Variants in ATP2B3 observed in about 807,000 individuals in gnomAD.
ATP2B3 encodes the protein plasma membrane calcium-transporting ATPase 3.
Under a neutral mutation model 70.8 loss-of-function variants are expected in ATP2B3, and 12 were observed. The ratio of observed to expected loss-of-function variants is 0.17; its 90% confidence interval spans 0.11 to 0.27. The LOEUF (loss-of-function observed/expected upper bound fraction) is 0.27, where lower values mean the gene tolerates loss of function less well. ATP2B3 is among the 10% of genes least tolerant of loss of function. The pLI is 1.00. For missense variants in ATP2B3, 858 were observed against 1,118.5 expected (o/e 0.77, Z 3.32); for synonymous variants, 460 against 497.8 (o/e 0.92, Z 1.01).
At chrX:153,521,304 C>T (rs2089955742) in intron 2 of ATP2B3, among the ~76,000 whole-genome samples, 1 of 113,013 alleles carries the variant, frequency 8.8e-6, no homozygotes, top group African/African-American at 3.2e-5. Context: ...GGCAGTGGGC[C>T]TGGGAGCCTG....
intron 21 of ATP2B3, among the ~76,000 whole-genome samples, chrX:153,578,673 C>A (rs1206611987): frequency 3.6e-5 from 4 of 112,502 alleles, no homozygotes; most frequent in African/African-American, 1.3e-4. Flanking sequence ...GAGTCTGGGG[C>A]ACAGCGGGAG....
chrX:153,557,939 G>A (rs1474103068), intron 16 of ATP2B3, among the ~76,000 whole-genome samples, 173 bp from the exon 17 acceptor site: 1 of 106,742 alleles, frequency 9.4e-6, no homozygotes, highest in African/African-American at 3.5e-5. Flanking sequence ...AGAATGTGTT[G>A]CATTAAAAAA....
At chrX:153,530,323 G>A (rs1208897220) in intron 2 of ATP2B3, among the ~76,000 whole-genome samples, 6 of 112,386 alleles carry the variant, frequency 5.3e-5, no homozygotes, top group African/African-American at 1.6e-4. Flanking sequence ...CTCTGTATTC[G>A]TGAAGTTCCC....
chrX:153,531,878 T>C (rs1032313837), intron 2 of ATP2B3, among the ~76,000 whole-genome samples: 16 of 112,327 alleles, frequency 1.4e-4, no homozygotes, highest in Non-Finnish European at 3.0e-4. Flanking sequence ...GATGCGTGCA[T>C]CACCTGAGAT....
chrX:153,534,069 C>G (rs2090154430), intron 2 of ATP2B3, among the ~76,000 whole-genome samples: 1 of 112,150 alleles, frequency 8.9e-6, no homozygotes, highest in Non-Finnish European at 1.9e-5. Context: ...GGCACAGAGC[C>G]TGAACCTGAC....
At chrX:153,536,574 T>C (rs1215820612) in intron 3 of ATP2B3, 119 bp downstream of exon 3, 1 of 797,987 alleles carries the variant, frequency 1.3e-6, no homozygotes, top group Non-Finnish European at 1.8e-6. Flanking sequence ...GCCCCTCCTC[T>C]CAGCCATTTC....
At chrX:153,568,706 A>G (rs1277194223) in intron 21 of ATP2B3, among the ~76,000 whole-genome samples, 2 of 112,075 alleles carry the variant, frequency 1.8e-5, no homozygotes, top group Non-Finnish European at 3.8e-5. Flanking sequence ...AGTGGCGTAC[A>G]TCCTCATTTT....
At position 153,553,120 on chromosome X, in the gene ATP2B3, C is replaced by A; in HGVS notation, c.1909C>A (p.Pro637Thr). 1 of 1,210,421 alleles carries A rather than the reference C, an allele frequency of 8.3e-7. No homozygotes were observed. Among genetic ancestry groups the A allele is most frequent in the East Asian group, 3.0e-5 (1 of 33,802 alleles). Residue 637 changes from proline (P) to threonine (T), a missense_variant, in exon 13 of 22, where the codon CCG becomes ACG. Coordinates refer to ENST00000263519, the MANE Select transcript of ATP2B3 (RefSeq NM_001001344.3). ...RDDMVRKIIE[P>T]MACDGLRTIC... Reference sequence around the variant, plus strand: ...CGACATGGTGAGGAAGATCATCGAGCCGATGGCTTGCGATGGCCTCCGCAC... The same window carrying A: ...CGACATGGTGAGGAAGATCATCGAGACGATGGCTTGCGATGGCCTCCGCAC...
intron 13 of ATP2B3, among the ~76,000 whole-genome samples, chrX:153,554,300 G>A (rs1480524066): frequency 2.6e-5 from 3 of 113,278 alleles, no homozygotes; most frequent in Non-Finnish European, 5.6e-5. Context: ...ACTGAGCCTG[G>A]GAGAGCAGAA....
chrX:153,538,110 G>T (rs183348768), intron 3 of ATP2B3, among the ~76,000 whole-genome samples: 1 of 112,885 alleles, frequency 8.9e-6, no homozygotes, highest in Non-Finnish European at 1.9e-5. Context: ...TGGAGCTGTC[G>T]GGCTTGAGCT....
At position 153,556,154 on chromosome X, in the gene ATP2B3, A is replaced by G; in HGVS notation, c.2164A>G (p.Ile722Val). Residue 722 changes from isoleucine (I) to valine (V), a missense_variant, in exon 14 of 22, where the codon ATC (isoleucine) becomes GTC (valine). This residue lies in a region of ATP2B3 where 242 missense variants were observed against 281.3 expected (regional missense o/e 0.86). Transcript: ENST00000263519. Reference sequence around the variant, plus strand: ...GGCCATCGCAGCCAAATGCGGCATCATCCAGCCCGGGGAGGACTTCCTGTG... The same window carrying G: ...GGCCATCGCAGCCAAATGCGGCATCGTCCAGCCCGGGGAGGACTTCCTGTG... ...ARAIAAKCGI[I>V]QPGEDFLCLE... 8.3e-7 allele frequency: 1 copy of G among 1,212,081 alleles called. No individual in the cohort carries two copies. The highest frequency in any genetic ancestry group is 1.1e-6 in the Non-Finnish European group (1 of 895,476).
At chrX:153,519,331 C>A (rs1300536336) in intron 2 of ATP2B3, among the ~76,000 whole-genome samples, 2 of 112,214 alleles carry the variant, frequency 1.8e-5, no homozygotes, top group African/African-American at 6.5e-5. Flanking sequence ...TGGCTAGGGA[C>A]ATTCCTATGA....
In ATP2B3 at chrX:153,551,894, GC is replaced by G. The variant is rs2090462720; in HGVS notation, c.1824-1139del. ...ACAAGTCACCTCGCTCCTCATGACT[GC>G]CGTCCCAGGGCCCTCAGGGCAAGGT... is the stretch of plus-strand genomic sequence containing the variant. On this transcript the variant is annotated intron_variant, in intron 12 of 21. Coordinates refer to ENST00000263519, the MANE Select transcript of ATP2B3 (RefSeq NM_001001344.3). Among the ~76,000 whole-genome samples, 13 of 112,394 alleles carry G rather than the reference GC, an allele frequency of 1.2e-4. No homozygotes were observed. The South Asian group carries it at 4.4e-3, about 38-fold the overall frequency.
intron 21 of ATP2B3, among the ~76,000 whole-genome samples, chrX:153,575,129 G>A (rs1557021027): frequency 1.8e-5 from 2 of 112,551 alleles, no homozygotes; most frequent in African/African-American, 6.5e-5. Flanking sequence ...CCTGCGTGGG[G>A]TGTTCAGAAA....
intron 12 of ATP2B3, among the ~76,000 whole-genome samples, chrX:153,551,735 C>T (rs1024365089): frequency 8.9e-6 from 1 of 112,012 alleles, no homozygotes. Context: ...CTGTGTGGTG[C>T]GTGAATTATA....
At chrX:153,569,214 G>A (rs781945674) in intron 21 of ATP2B3, 18 of 415,381 alleles carry the variant, frequency 4.3e-5, no homozygotes, top group Admixed American at 1.5e-4. Context: ...GAAGCAGGGC[G>A]GGTTCTAATA....
At position 153,560,899 on chromosome X, in the gene ATP2B3, G is replaced by A. The variant is rs55771470; in HGVS notation, c.3051+12G>A. The A allele has an allele frequency of 1.0e-4, 123 of 1,208,666 alleles. No individual in the cohort carries two copies. The highest frequency in any genetic ancestry group is 1.3e-4 in the Non-Finnish European group (116 of 894,256). ...CTTTCGGGATTCAGGTAGGAGGGGC[G>A]GCTCCACTCTTGGCCTCTGCCACTT... On this transcript the variant is annotated intron_variant, in intron 19 of 21. Transcript: ENST00000263519.
chrX:153,521,032 G>C (rs1377217810), intron 2 of ATP2B3, among the ~76,000 whole-genome samples: 2 of 113,223 alleles, frequency 1.8e-5, no homozygotes, highest in Non-Finnish European at 3.7e-5. Context: ...CGGAAGCACT[G>C]GCAGTGCACG....
chrX:153,541,683 T>G lies in ATP2B3; in HGVS notation c.421T>G (p.Ser141Ala). ...CCTCCGCACAGCCTGTGGGAATGTG[T>G]CGGGAGGCGCAGAAGATGAGGGCGA... ...GEESEACGNV[S>A]GGAEDEGEAE... The change falls in exon 5 of 22, where the codon TCG (serine) becomes GCG (alanine). Residue 141 changes from serine to alanine, a missense_variant. Transcript: ENST00000263519. 8.3e-7 allele frequency: 1 copy of G among 1,210,599 alleles called. No individual in the cohort carries two copies. The highest frequency in any genetic ancestry group is 1.1e-6 in the Non-Finnish European group (1 of 895,161).
Sources: gnomAD v4.1 joint callset for allele counts (sites outside exome capture counted in the v4.1 genomes callset) on GRCh38, gnomAD v4.1.1 for gene constraint, gnomAD v4.1.1 regional missense constraint, MANE v1.5 for transcripts, NCBI Gene and HGNC (gene_info 2026-07-23, HGNC 2026-07-21) for gene names.